Variants in CSMD1 observed in about 807,000 individuals in gnomAD.
The protein encoded by CSMD1 is CUB and Sushi multiple domains 1.
In CSMD1, 213 loss-of-function variants were observed where a neutral mutation model predicts 417.5. The observed-to-expected ratio is 0.51, with a 90% CI of 0.46 to 0.57. The LOEUF is 0.57. Ranked by LOEUF, CSMD1 falls within the 20% of genes least tolerant of loss-of-function variation. CSMD1 has a pLI of 0.00. For missense variants in CSMD1, 6,923 were observed against 4,529.7 expected (o/e 1.53, Z -15.17); for synonymous variants, 2,862 against 1,736.8 (o/e 1.65, Z -16.11).
intron 1 of CSMD1, among the ~76,000 whole-genome samples, chr8:4,963,339 A>G (rs1000465763): frequency 3.9e-5 from 6 of 152,152 alleles, no homozygotes; most frequent in Admixed American, 6.5e-5. Context: ...AGCTGGGATT[A>G]CAGTCACACA....
intron 10 of CSMD1, among the ~76,000 whole-genome samples, chr8:3,555,672 C>T (rs187960447): frequency 6.6e-6 from 1 of 151,064 alleles, no homozygotes; most frequent in Non-Finnish European, 1.5e-5. Context: ...AATCTGATAA[C>T]TTAAATGTGA....
At chr8:3,591,077 GC>G (rs1800823593) in intron 8 of CSMD1, among the ~76,000 whole-genome samples, 1 of 152,108 alleles carries the variant, frequency 6.6e-6, no homozygotes, top group South Asian at 2.1e-4. Flanking sequence ...ACTTTAGTCC[GC>G]CCTAGATTAA....
chr8:3,680,467 C>A (rs1017660742), intron 7 of CSMD1, among the ~76,000 whole-genome samples: 2 of 152,182 alleles, frequency 1.3e-5, no homozygotes, highest in East Asian at 1.9e-4. Context: ...GACACATACA[C>A]CCTCCCAAGA....
chr8:3,202,555 C>G (rs1797044971), intron 31 of CSMD1, among the ~76,000 whole-genome samples: 1 of 152,120 alleles, frequency 6.6e-6, no homozygotes, highest in South Asian at 2.1e-4. Context: ...TGCAGGAAAA[C>G]CTGTGATTTG....
chr8:3,767,766 C>G (rs1194535986), intron 5 of CSMD1, among the ~76,000 whole-genome samples: 1 of 152,174 alleles, frequency 6.6e-6, no homozygotes, highest in South Asian at 2.1e-4. Context: ...ATTAATGACA[C>G]TCAGAGAACA....
At chr8:4,495,554 G>A (rs1302521717) in intron 2 of CSMD1, among the ~76,000 whole-genome samples, 3 of 151,414 alleles carry the variant, frequency 2.0e-5, no homozygotes, top group African/African-American at 7.3e-5. Context: ...TAGCCTGGGT[G>A]ACAGAGCAAG....
intron 5 of CSMD1, among the ~76,000 whole-genome samples, chr8:3,834,977 T>G (rs1322449325): frequency 6.6e-6 from 1 of 152,086 alleles, no homozygotes; most frequent in East Asian, 1.9e-4. Context: ...ATGCTCATCA[T>G]CACTGGCCAT....
intron 3 of CSMD1, among the ~76,000 whole-genome samples, chr8:4,120,265 G>A (rs920534208): frequency 6.6e-6 from 1 of 151,138 alleles, no homozygotes; most frequent in African/African-American, 2.4e-5. Flanking sequence ...AGGATTTGGG[G>A]TAAAGAAGGG....
chr8:4,339,833 G>A (rs1175926578), intron 3 of CSMD1, among the ~76,000 whole-genome samples: 2 of 151,990 alleles, frequency 1.3e-5, no homozygotes, highest in Admixed American at 6.6e-5. Flanking sequence ...AGATCAGCCT[G>A]GGCAACAAAG....
chr8:3,871,521 T>G (rs1355340867), intron 5 of CSMD1, among the ~76,000 whole-genome samples: 1 of 152,224 alleles, frequency 6.6e-6, no homozygotes, highest in Non-Finnish European at 1.5e-5. Flanking sequence ...CCATAATGAA[T>G]AATGCTTGAT....
At chr8:4,306,869 G>A (rs557649448) in intron 3 of CSMD1, among the ~76,000 whole-genome samples, 1 of 151,426 alleles carries the variant, frequency 6.6e-6, no homozygotes, top group Non-Finnish European at 1.5e-5. Flanking sequence ...ATCTCTTTTT[G>A]CAAAATCTGC....
intron 1 of CSMD1, among the ~76,000 whole-genome samples, chr8:4,823,806 G>C (rs1234950932): frequency 3.3e-5 from 5 of 151,808 alleles, no homozygotes; most frequent in Admixed American, 2.6e-4. Flanking sequence ...GTGGTGAGTA[G>C]GGGAGAAAAA....
At chr8:4,251,819 G>C (rs1189100167) in intron 3 of CSMD1, among the ~76,000 whole-genome samples, 1 of 149,310 alleles carries the variant, frequency 6.7e-6, no homozygotes, top group East Asian at 2.0e-4. Context: ...ACAGATGGAG[G>C]AGGAGAGATG....
intron 6 of CSMD1, among the ~76,000 whole-genome samples, chr8:3,739,103 T>C (rs1453771196): frequency 6.6e-6 from 1 of 152,106 alleles, no homozygotes; most frequent in African/African-American, 2.4e-5. Context: ...GGATTTATTC[T>C]ATAAGTTTAC....
chr8:3,399,917 G>C (rs1811936415), intron 15 of CSMD1, among the ~76,000 whole-genome samples: 1 of 152,138 alleles, frequency 6.6e-6, no homozygotes, highest in African/African-American at 2.4e-5. Flanking sequence ...TACATCTCAA[G>C]ATGGATACAT....
At chr8:3,989,497 C>A (rs535082332) in intron 5 of CSMD1, among the ~76,000 whole-genome samples, 4 of 152,170 alleles carry the variant, frequency 2.6e-5, no homozygotes, top group African/African-American at 9.7e-5. Flanking sequence ...TCTCTTCTAG[C>A]CAACTAATAA....
intron 5 of CSMD1, among the ~76,000 whole-genome samples, chr8:3,814,686 G>C (rs1484463951): frequency 2.0e-5 from 3 of 152,160 alleles, no homozygotes; most frequent in African/African-American, 7.2e-5. Flanking sequence ...GGAGACATTA[G>C]CTTAGCCCTC....
chr8:4,917,889 C>A (rs936966572), intron 1 of CSMD1, among the ~76,000 whole-genome samples: 1 of 151,982 alleles, frequency 6.6e-6, no homozygotes, highest in Non-Finnish European at 1.5e-5. Context: ...AGGCTAGGTA[C>A]GATTCAAAAC....
chr8:3,985,710 A>T (rs538998308), intron 5 of CSMD1, among the ~76,000 whole-genome samples: 43 of 152,040 alleles, frequency 2.8e-4, no homozygotes, highest in African/African-American at 9.4e-4. Flanking sequence ...TAACAACTTG[A>T]TTCAAGAAGT....
Sources: allele counts gnomAD v4.1 joint callset (sites outside exome capture counted in the v4.1 genomes callset), GRCh38; gene constraint gnomAD v4.1.1; transcripts MANE v1.5; gene names NCBI Gene and HGNC (gene_info 2026-07-23, HGNC 2026-07-21).